ERBIN: variants seen among roughly 807,000 people sequenced by gnomAD.
ERBIN encodes the protein erbb2 interacting protein.
Under a neutral mutation model 158.4 loss-of-function variants are expected in ERBIN, and 60 were observed. The observed-to-expected ratio is 0.38, with a 90% CI of 0.31 to 0.47. ERBIN has a LOEUF of 0.47. Among genes scored for constraint, ERBIN ranks in the 20% least tolerant of loss-of-function variants. The probability of loss-of-function intolerance (pLI) is 0.99; values close to 1 mark genes in which losing one functional copy is unlikely to be tolerated. For missense variants in ERBIN, 1,610 were observed against 1,648.0 expected (o/e 0.98, Z 0.40); for synonymous variants, 594 against 557.2 (o/e 1.07, Z -0.93).
chr5:65,971,286 G>A (rs1274126416), intron 1 of ERBIN, among the ~76,000 whole-genome samples: 2 of 151,696 alleles, frequency 1.3e-5, no homozygotes, highest in African/African-American at 4.8e-5. Flanking sequence ...ATTGCATCAG[G>A]TTTTCAGGTT....
At chr5:66,036,355 G>T (rs998730731) in intron 14 of ERBIN, among the ~76,000 whole-genome samples, 16 of 152,194 alleles carry the variant, frequency 1.1e-4, no homozygotes, top group Middle Eastern at 3.4e-3. Context: ...TGCCTCAAGA[G>T]CCTGCTCATC....
chr5:66,081,597 T>C lies in ERBIN; in HGVS notation c.*3067T>C, dbSNP rs1176901471. ...AAATTCGGGGTTAGAGAAATTCTCATGAAAAATATACAATTTTTTTTTAGC... is the reference window on the plus strand; with the variant it reads ...AAATTCGGGGTTAGAGAAATTCTCACGAAAAATATACAATTTTTTTTTAGC... On this transcript the variant is annotated 3_prime_UTR_variant, in exon 26 of 26. Transcript: ENST00000284037. 2.6e-5 allele frequency: 4 copies of C among 152,220 alleles called. No individual in the cohort carries two copies. The highest frequency in any genetic ancestry group is 6.5e-5 in the Admixed American group (1 of 15,300). The allele number at this position is 152,220 out of a possible 1,614,324, so 9.4% of individuals were successfully genotyped here.
chr5:66,027,561 C>G (rs911444459), intron 13 of ERBIN, among the ~76,000 whole-genome samples: 5 of 151,936 alleles, frequency 3.3e-5, no homozygotes, highest in African/African-American at 1.2e-4. Context: ...TACCAACTTT[C>G]CCATTGTTAT....
chr5:65,963,041 G>A (rs1346882290), intron 1 of ERBIN, among the ~76,000 whole-genome samples: 1 of 152,072 alleles, frequency 6.6e-6, no homozygotes, highest in Non-Finnish European at 1.5e-5. Context: ...TCTCATTTGA[G>A]TATCAGGTCA....
At chr5:65,992,534 TC>T (rs1751988280) in intron 2 of ERBIN, among the ~76,000 whole-genome samples, 175 bp from the exon 3 acceptor site, 1 of 152,200 alleles carries the variant, frequency 6.6e-6, no homozygotes, top group African/African-American at 2.4e-5. Context: ...TAATTTGAAA[TC>T]CAGTAGTTAT....
chr5:65,927,805 A>T (rs967158547), intron 1 of ERBIN, among the ~76,000 whole-genome samples: 2 of 152,228 alleles, frequency 1.3e-5, no homozygotes, highest in South Asian at 2.1e-4. Context: ...ACATTCCACC[A>T]GTCAGAGCTA....
At chr5:66,055,718 C>G (rs1759518432) in intron 21 of ERBIN, among the ~76,000 whole-genome samples, 1 of 151,954 alleles carries the variant, frequency 6.6e-6, no homozygotes, top group Admixed American at 6.6e-5. Context: ...TAGATTTTAC[C>G]CAAGCATTAT....
intron 1 of ERBIN, among the ~76,000 whole-genome samples, chr5:65,987,367 T>C (rs1256417733): frequency 7.4e-6 from 1 of 135,682 alleles, no homozygotes; most frequent in African/African-American, 2.8e-5. Context: ...AGAGACTGTC[T>C]ACACACACAC....
At chr5:66,076,461 T>C in intron 24 of ERBIN, 53 bp downstream of exon 24, 4 of 1,298,770 alleles carry the variant, frequency 3.1e-6, no homozygotes, top group Non-Finnish European at 4.4e-6. Context: ...ATTTACCGAT[T>C]GAATACTTAA....
At chr5:65,950,171 A>C (rs1446238185) in intron 1 of ERBIN, among the ~76,000 whole-genome samples, 1 of 151,680 alleles carries the variant, frequency 6.6e-6, no homozygotes, top group Non-Finnish European at 1.5e-5. Flanking sequence ...ATGCCCAGCT[A>C]ATTTTTTGTA....
chr5:65,962,960 G>C (rs1448604930), intron 1 of ERBIN, among the ~76,000 whole-genome samples: 1 of 152,096 alleles, frequency 6.6e-6, no homozygotes, highest in Non-Finnish European at 1.5e-5. Flanking sequence ...CCAGTTACCA[G>C]ATAAAGGTTT....
chr5:65,928,871 C>T (rs1050810482), intron 1 of ERBIN, among the ~76,000 whole-genome samples: 8 of 152,062 alleles, frequency 5.3e-5, no homozygotes, highest in Non-Finnish European at 1.0e-4. Context: ...AGGAGTCATC[C>T]GTTAAAATAT....
At chr5:66,043,260 A>G (rs1242480511) in intron 16 of ERBIN, 62 bp downstream of exon 16, 4 of 1,511,264 alleles carry the variant, frequency 2.6e-6, no homozygotes, top group South Asian at 2.3e-5. Context: ...AGTTGGTATT[A>G]TATATACTAT....
chr5:66,018,441 A>AATATAATATATATT (rs1755038760), intron 7 of ERBIN, among the ~76,000 whole-genome samples: 1 of 53,166 alleles, frequency 1.9e-5, no homozygotes, highest in South Asian at 6.2e-4. Context: ...TGATATATAT[A>AATATAATATATATT]ATATAATATA....
At chr5:65,960,858 A>G (rs577117410) in intron 1 of ERBIN, among the ~76,000 whole-genome samples, 2 of 151,502 alleles carry the variant, frequency 1.3e-5, no homozygotes, top group Admixed American at 1.3e-4. Flanking sequence ...GATAATTATA[A>G]TTTTTTTTTC....
rs1758455846 is a variant in ERBIN at position 66,046,482 on chromosome 5, A to G, written c.1732A>G (p.Asn578Asp). The G allele has an allele frequency of 3.1e-6, 5 of 1,611,302 alleles. No homozygotes were observed. Among genetic ancestry groups the G allele is most frequent in the African/African-American group, 1.3e-5 (1 of 74,982 alleles). ...TCCTGGGAGTTTACCAGTGACTGCA[A>G]ATATGAAAGCCTCTGAGAACTTGAA... ...ISPGSLPVTA[N>D]MKASENLKHI... The change falls in exon 18 of 26, where the codon AAT (asparagine) becomes GAT (aspartate). Residue 578 changes from asparagine to aspartate, a missense_variant. By Grantham distance (23) the Asn-to-Asp change is conservative. Around this residue, in one of 2 missense-constraint regions of ERBIN, gnomAD observed 596 missense variants for 711.9 expected, o/e 0.84. Transcript: ENST00000284037.
intron 21 of ERBIN, among the ~76,000 whole-genome samples, chr5:66,060,087 T>C (rs1760098307): frequency 6.6e-6 from 1 of 152,226 alleles, no homozygotes; most frequent in African/African-American, 2.4e-5. Context: ...CTTTTTCTGT[T>C]GACTGGAATA....
At position 65,941,748 on chromosome 5, in the gene ERBIN, A is replaced by AT. The variant is rs372144335; in HGVS notation, c.-58+14952dup. Among the ~76,000 whole-genome samples the AT allele has an allele frequency of 4.7e-3, 707 of 149,386 alleles. 3 individuals carry two copies. Among genetic ancestry groups the AT allele is most frequent in the African/African-American group, 7.0e-3 (284 of 40,760 alleles). Reference sequence around the variant, plus strand: ...CCTTAACCTTACCCTTTCTTGTAGTATTTTTTTTTTGAGACGGAGTGTCGT... The same window carrying AT: ...CCTTAACCTTACCCTTTCTTGTAGTATTTTTTTTTTTGAGACGGAGTGTCGT... On this transcript the variant is annotated intron_variant, in intron 1 of 25. Transcript: ENST00000284037.
chr5:66,031,043 C>T (rs7713075), intron 14 of ERBIN, among the ~76,000 whole-genome samples: 8,767 of 152,148 alleles, frequency 0.058, 882 homozygotes, highest in African/African-American at 0.2. Context: ...AGTCTTTGTT[C>T]TTCAAAGTTT....
Sources: gnomAD v4.1 joint callset for allele counts (sites outside exome capture counted in the v4.1 genomes callset) on GRCh38, gnomAD v4.1.1 for gene constraint, gnomAD v4.1.1 regional missense constraint, MANE v1.5 for transcripts, NCBI Gene and HGNC (gene_info 2026-07-23, HGNC 2026-07-21) for gene names.